SLC25A30: variants seen among roughly 807,000 people sequenced by gnomAD.
SLC25A30 encodes the protein solute carrier family 25 member 30.
SLC25A30 carries 29 observed loss-of-function variants against 42.7 expected under a neutral mutation model. That is an observed-to-expected ratio of 0.68 (90% CI 0.51 to 0.93). The LOEUF is 0.93. Among genes scored for constraint, SLC25A30 ranks in the 40% least tolerant of loss-of-function variants. The pLI, the probability that SLC25A30 is intolerant of heterozygous loss-of-function variation, is 0.00. For synonymous variants in SLC25A30, 124 were observed against 131.0 expected (o/e 0.95, Z 0.37); for missense variants, 300 against 359.7 (o/e 0.83, Z 1.34).
At chr13:45,428,951 G>A in the SLC25A30 span, among the ~76,000 whole-genome samples, 13 of 151,128 alleles carry the variant, frequency 8.6e-5, no homozygotes, top group Non-Finnish European at 1.6e-4. Context: ...ACTAGAATAT[G>A]ATGGAGCAAT....
At chr13:45,411,200 A>G (rs575326557) in intron 2 of SLC25A30, among the ~76,000 whole-genome samples, 162 bp downstream of exon 2, 78 of 152,234 alleles carry the variant, frequency 5.1e-4, no homozygotes, top group African/African-American at 1.9e-3. Context: ...TCAGCCTACT[A>G]AAGTGCTGAG....
At chr13:45,398,857 T>C in intron 8 of SLC25A30, 83 bp downstream of exon 8, 11 of 1,473,544 alleles carry the variant, frequency 7.5e-6, no homozygotes, top group Non-Finnish European at 1.0e-5. Context: ...ATCTTAGTTT[T>C]AGTAGCTTTC....
Position 45,401,072 on chromosome 13 carries a change from C to A in SLC25A30, c.614+11G>T. The A allele has an allele frequency of 6.3e-7, 1 of 1,581,570 alleles. No homozygotes were observed. Among genetic ancestry groups the A allele is most frequent in the Non-Finnish European group, 8.6e-7 (1 of 1,165,908 alleles). ...ATTTCTATAATTTTTTAAAAAAAGC[C>A]ATGAACATACAGGAAGTGGGTATAC... On this transcript the variant is annotated intron_variant, in intron 7 of 9. Coordinates refer to ENST00000519676, the MANE Select transcript of SLC25A30 (RefSeq NM_001010875.4).
chr13:45,415,062 C>T (rs1418328061), intron 1 of SLC25A30, among the ~76,000 whole-genome samples: 1 of 152,144 alleles, frequency 6.6e-6, no homozygotes, highest in Non-Finnish European at 1.5e-5. Context: ...CAGCCATGTT[C>T]TCTAAGCCAT....
chr13:45,397,312 A>G lies in SLC25A30; in HGVS notation c.780T>C (p.Ala260=), dbSNP rs1354651119. ...LQTWKNEGFF[A]LYKGFWPNWL... is the part of the protein sequence containing the mutation. ...AATTTGGCCAAAAGCCTTTATAGAG[A>G]GCAAAAAACCCTTCATTCTTCCATG... Residue 260 remains alanine (A), a synonymous_variant, in exon 9 of 10, where the codon GCT becomes GCC. Transcript: ENST00000519676. 4 of 1,612,314 alleles carry G rather than the reference A, an allele frequency of 2.5e-6. No individual in the cohort carries two copies. In the East Asian group the frequency reaches 6.7e-5, roughly 27 times the overall value.
At chr13:45,408,378 A>C (rs1236331412) in intron 3 of SLC25A30, among the ~76,000 whole-genome samples, 1 of 152,058 alleles carries the variant, frequency 6.6e-6, no homozygotes, top group Admixed American at 6.6e-5. Context: ...GGATTGGTGG[A>C]TCCATGGCAG....
At chr13:45,423,571 A>ATATATAAAAG in the SLC25A30 span, among the ~76,000 whole-genome samples, 39 of 83,122 alleles carry the variant, frequency 4.7e-4, 1 homozygote, top group African/African-American at 1.5e-3. Flanking sequence ...ATATATAAAT[A>ATATATAAAAG]TATATAAAAA....
chr13:45,411,725 T>G (rs113983752), intron 1 of SLC25A30: 37 of 404,736 alleles, frequency 9.1e-5, no homozygotes, highest in African/African-American at 6.3e-4. Context: ...AATCAGCTAC[T>G]TTGATACCTT....
chr13:45,410,751 G>T (rs1170399099), intron 2 of SLC25A30, among the ~76,000 whole-genome samples: 1 of 152,166 alleles, frequency 6.6e-6, no homozygotes, highest in Non-Finnish European at 1.5e-5. Flanking sequence ...GGCGGAGGCT[G>T]GAGTGAGCCG....
intron 7 of SLC25A30, 72 bp downstream of exon 7, chr13:45,401,011 A>G (rs1593604434): frequency 1.5e-6 from 2 of 1,342,246 alleles, no homozygotes; most frequent in East Asian, 2.6e-5. Flanking sequence ...TTTCAAATAT[A>G]AGAATATAAT....
In SLC25A30 at chr13:45,395,442, C is replaced by A; in HGVS notation, c.*532G>T. 2.0e-6 allele frequency: 2 copies of A among 988,456 alleles called. No homozygotes were observed. The highest frequency in any genetic ancestry group is 2.4e-6 in the Non-Finnish European group (2 of 831,648). The allele number at this position is 988,456 out of a possible 1,614,324, so 61.2% of individuals were successfully genotyped here. A position where few individuals can be genotyped will look rare whatever the true frequency, so the allele number is the denominator to read the frequency against. On this transcript the variant is annotated 3_prime_UTR_variant, in exon 10 of 10. Coordinates refer to ENST00000519676, the MANE Select transcript of SLC25A30 (RefSeq NM_001010875.4). Reference sequence around the variant, plus strand: ...GGAAATGATAAAGCAGTGTGATATTCCTAGGATCCATTTCCTGCACCGTTT... The same window carrying A: ...GGAAATGATAAAGCAGTGTGATATTACTAGGATCCATTTCCTGCACCGTTT...
At chr13:45,425,599 TA>T in the SLC25A30 span, among the ~76,000 whole-genome samples, 4 of 57,062 alleles carry the variant, frequency 7.0e-5, 1 homozygote, top group African/African-American at 2.4e-4. Flanking sequence ...TATATATACA[TA>T]TATATATACA....
chr13:45,423,263 A>G (rs1014918131), upstream of SLC25A30, among the ~76,000 whole-genome samples: 22 of 151,856 alleles, frequency 1.4e-4, no homozygotes, highest in African/African-American at 5.3e-4. Context: ...AAGTCCTGCT[A>G]AAAAGTACTT....
At position 45,395,451 on chromosome 13, in the gene SLC25A30, C is replaced by A; in HGVS notation, c.*523G>T. The A allele has an allele frequency of 1.0e-6, 1 of 988,674 alleles. No homozygotes were observed. Among genetic ancestry groups the A allele is most frequent in the South Asian group, 4.6e-5 (1 of 21,580 alleles). The allele number at this position is 988,674 out of a possible 1,614,324, so 61.2% of individuals were successfully genotyped here. On this transcript the variant is annotated 3_prime_UTR_variant, in exon 10 of 10. Transcript: ENST00000519676. ...AAAGCAGTGTGATATTCCTAGGATC[C>A]ATTTCCTGCACCGTTTATACCTGGG...
chr13:45,423,948 A>ATATATGAAT, the SLC25A30 span, among the ~76,000 whole-genome samples: 10 of 48,668 alleles, frequency 2.1e-4, no homozygotes, highest in Non-Finnish European at 3.9e-4. Context: ...TATATAAAAA[A>ATATATGAAT]ATATATGAAT....
the SLC25A30 span, among the ~76,000 whole-genome samples, chr13:45,427,956 T>A: frequency 4.3e-3 from 649 of 152,126 alleles, 5 homozygotes; most frequent in African/African-American, 0.015. Flanking sequence ...TTGGCCAGGC[T>A]GGTCTTGAAC....
chr13:45,406,186 G>A lies in SLC25A30; in HGVS notation c.213-209C>T, dbSNP rs573673871. Among the ~76,000 whole-genome samples the A allele has an allele frequency of 9.8e-4, 149 of 152,036 alleles. 1 individual carries two copies. The highest frequency in any genetic ancestry group is 7.7e-4 in the African/African-American group (32 of 41,472). On this transcript the variant is annotated intron_variant, in intron 3 of 9. Coordinates refer to ENST00000519676, the MANE Select transcript of SLC25A30 (RefSeq NM_001010875.4). ...CAACCTCTGCCTCCCGGGTTCAAGCGATTCTTCTGCCTCAGCCTCCCGAGT... is the reference window on the plus strand; with the variant it reads ...CAACCTCTGCCTCCCGGGTTCAAGCAATTCTTCTGCCTCAGCCTCCCGAGT...
intron 3 of SLC25A30, among the ~76,000 whole-genome samples, chr13:45,406,643 C>T (rs1035242369): frequency 6.6e-6 from 1 of 152,144 alleles, no homozygotes; most frequent in Admixed American, 6.5e-5. Context: ...TCTTGAATTG[C>T]AATCAGGGTT....
chr13:45,409,802 CTG>C (rs1012059175), intron 2 of SLC25A30, among the ~76,000 whole-genome samples: 10 of 152,158 alleles, frequency 6.6e-5, no homozygotes, highest in African/African-American at 2.2e-4. Context: ...GAGTGAGACT[CTG>C]TCTCCAAAAT....
Sources: gnomAD v4.1 joint callset for allele counts (sites outside exome capture counted in the v4.1 genomes callset) on GRCh38, gnomAD v4.1.1 for gene constraint, MANE v1.5 for transcripts, NCBI Gene and HGNC (gene_info 2026-07-23, HGNC 2026-07-21) for gene names.